The following ACTR3C variants were observed in gnomAD, a reference collection of about 807,000 sequenced individuals.
The protein encoded by ACTR3C is actin-related protein 3C.
ACTR3C carries 18 observed loss-of-function variants against 26.3 expected under a neutral mutation model. The observed-to-expected ratio is 0.68, with a 90% CI of 0.47 to 1.01. ACTR3C has a LOEUF of 1.01. Ranked by LOEUF, ACTR3C falls within the 50% of genes least tolerant of loss-of-function variation. ACTR3C has a pLI of 0.00. For missense variants in ACTR3C, 184 were observed against 250.7 expected, an observed-to-expected ratio of 0.73 and a Z score of 1.80; for synonymous variants, 55 against 94.5, an observed-to-expected ratio of 0.58 and a Z score of 2.42.
chr7:149,885,920 G>T, the ACTR3C span, among the ~76,000 whole-genome samples: 1 of 152,238 alleles, frequency 6.6e-6, no homozygotes, highest in Non-Finnish European at 1.5e-5. Context: ...TGAGAGTGCA[G>T]AGTCTACAAC....
At chr7:150,308,926 T>A (rs1227056750) in intron 1 of ACTR3C, among the ~76,000 whole-genome samples, 1 of 152,148 alleles carries the variant, frequency 6.6e-6, no homozygotes, top group Admixed American at 6.5e-5. Context: ...CCACTAAATA[T>A]ATACAAGAAT....
the ACTR3C span, among the ~76,000 whole-genome samples, chr7:149,900,638 C>T: frequency 6.6e-6 from 1 of 152,104 alleles, no homozygotes; most frequent in Non-Finnish European, 1.5e-5. Context: ...TTTTCCTTTT[C>T]CTCTTGCGTT....
chr7:149,993,670 A>G, the ACTR3C span, among the ~76,000 whole-genome samples: 1,706 of 152,066 alleles, frequency 0.011, 29 homozygotes, highest in African/African-American at 0.039. Context: ...TCCCCTTTGC[A>G]ATCCCCACCC....
chr7:150,195,054 A>G, the ACTR3C span, among the ~76,000 whole-genome samples: 1 of 151,524 alleles, frequency 6.6e-6, no homozygotes, highest in South Asian at 2.1e-4. Flanking sequence ...AGATCGTGCC[A>G]CTAGACTCCA....
chr7:150,156,099 G>C, the ACTR3C span, among the ~76,000 whole-genome samples: 111,118 of 148,248 alleles, frequency 0.75, 42,977 homozygotes, highest in East Asian at 0.98. Context: ...AGCCTTCCCT[G>C]TCATGAGAAT....
the ACTR3C span, among the ~76,000 whole-genome samples, chr7:149,999,018 C>T: frequency 1.7e-4 from 26 of 150,452 alleles, 6 homozygotes; most frequent in East Asian, 5.4e-3. Context: ...TGGACGTTGC[C>T]CTGCTGCCTC....
At chr7:150,180,573 C>T in the ACTR3C span, among the ~76,000 whole-genome samples, 1,630 of 141,350 alleles carry the variant, frequency 0.012, 122 homozygotes, top group African/African-American at 0.043. Flanking sequence ...AGTGCAGTGG[C>T]GCGGTCTCGG....
the ACTR3C span, among the ~76,000 whole-genome samples, chr7:150,089,907 A>G: frequency 6.6e-6 from 1 of 152,264 alleles, no homozygotes; most frequent in African/African-American, 2.4e-5. Context: ...AAAAATTTCC[A>G]AACTCTAGGC....
the ACTR3C span, among the ~76,000 whole-genome samples, chr7:150,116,834 G>A: frequency 2.8e-3 from 426 of 152,204 alleles, 4 homozygotes; most frequent in Middle Eastern, 0.024. Flanking sequence ...AGCTCCCAGC[G>A]AGACCAATGC....
At chr7:150,147,429 C>T in the ACTR3C span, among the ~76,000 whole-genome samples, 5 of 152,096 alleles carry the variant, frequency 3.3e-5, no homozygotes, top group Non-Finnish European at 7.3e-5. Context: ...GATCAAACTA[C>T]ATTTATTTCA....
intron 1 of ACTR3C, among the ~76,000 whole-genome samples, chr7:150,306,972 G>C (rs1333920510): frequency 2.0e-5 from 3 of 152,156 alleles, no homozygotes; most frequent in African/African-American, 7.2e-5. Flanking sequence ...ATAATGCTTA[G>C]CTTTTTAAAA....
intron 1 of ACTR3C, among the ~76,000 whole-genome samples, chr7:150,299,464 C>CAAAAAAA (rs759969034): frequency 0.04 from 559 of 13,962 alleles, 1 homozygote; most frequent in East Asian, 0.06. Context: ...GACCCCCTCT[C>CAAAAAAA]AAAAAAAAAA....
chr7:150,156,840 A>G, the ACTR3C span, among the ~76,000 whole-genome samples: 1 of 151,912 alleles, frequency 6.6e-6, no homozygotes, highest in Non-Finnish European at 1.5e-5. Context: ...CTCACTGTGT[A>G]TCAGTAATAC....
the ACTR3C span, among the ~76,000 whole-genome samples, chr7:149,934,347 G>A: frequency 5.8e-3 from 887 of 152,276 alleles, 8 homozygotes; most frequent in African/African-American, 0.011. Flanking sequence ...GTTTGACTCC[G>A]TACCTGCTGG....
chr7:149,946,398 G>C, the ACTR3C span, among the ~76,000 whole-genome samples: 4 of 152,186 alleles, frequency 2.6e-5, no homozygotes, highest in South Asian at 8.3e-4. Flanking sequence ...GGGCTGACTT[G>C]GCAATCTCAC....
chr7:150,097,011 C>G, the ACTR3C span, among the ~76,000 whole-genome samples: 1 of 152,204 alleles, frequency 6.6e-6, no homozygotes, highest in Non-Finnish European at 1.5e-5. Context: ...GTGAGGCACA[C>G]CCCAGATCAT....
At chr7:150,047,841 T>A in the ACTR3C span, 1 of 1,514,686 alleles carries the variant, frequency 6.6e-7, no homozygotes, top group Non-Finnish European at 8.9e-7. Flanking sequence ...GAACCTCTGG[T>A]ACAGCGAAGC....
chr7:149,975,210 A>G, the ACTR3C span, among the ~76,000 whole-genome samples: 1 of 152,240 alleles, frequency 6.6e-6, no homozygotes, highest in East Asian at 1.9e-4. Context: ...TTTTCTGATC[A>G]CAACAGAATG....
At chr7:150,120,517 C>T in the ACTR3C span, among the ~76,000 whole-genome samples, 100 of 152,218 alleles carry the variant, frequency 6.6e-4, 1 homozygote, top group East Asian at 0.013. Flanking sequence ...TACATATACC[C>T]TCCCAAGACT....
Sources: gnomAD v4.1 joint callset for allele counts (sites outside exome capture counted in the v4.1 genomes callset) on GRCh38, gnomAD v4.1.1 for gene constraint, MANE v1.5 for transcripts, NCBI Gene and HGNC (gene_info 2026-07-23, HGNC 2026-07-21) for gene names.